Variants in UTP20 observed in about 807,000 individuals in gnomAD.
UTP20 encodes the protein small subunit processome component 20 homolog.
Under a neutral mutation model 329.5 loss-of-function variants are expected in UTP20, and 164 were observed. That is an observed-to-expected ratio of 0.50 (90% CI 0.44 to 0.57). The LOEUF (loss-of-function observed/expected upper bound fraction) is 0.57, where lower values mean the gene tolerates loss of function less well. Among genes scored for constraint, UTP20 ranks in the 20% least tolerant of loss-of-function variants. UTP20 has a pLI of 0.00. For synonymous variants in UTP20, 1,151 were observed against 1,159.3 expected (o/e 0.99, Z 0.14); for missense variants, 3,055 against 3,284.2 (o/e 0.93, Z 1.71).
chr12:101,375,325 G>T (rs935845959), intron 55 of UTP20, among the ~76,000 whole-genome samples: 7 of 152,174 alleles, frequency 4.6e-5, no homozygotes, highest in African/African-American at 1.7e-4. Flanking sequence ...AAGATCAAAG[G>T]TTCTCAACTC....
At position 101,333,304 on chromosome 12, in the gene UTP20, C is replaced by T; in HGVS notation, c.3421C>T (p.Gln1141Ter). ...ACAGAAGATCTTTGTTTTACAGATACAGCTGAGATTTATTAATCCATTGAA... is the reference window on the plus strand; with the variant it reads ...ACAGAAGATCTTTGTTTTACAGATATAGCTGAGATTTATTAATCCATTGAA... Reference protein sequence around the residue: ...SHILDQREKIQLRFINPLKNL... With the variant: ...SHILDQREKI The change falls in exon 28 of 62, where the codon CAG becomes TAG. Residue 1141 changes from glutamine to a stop codon, truncating the protein, a stop_gained. Coordinates refer to ENST00000261637, the MANE Select transcript of UTP20 (RefSeq NM_014503.3). LOFTEE classifies it high-confidence loss of function. 6.2e-7 allele frequency: 1 copy of T among 1,612,664 alleles called. No individual in the cohort carries two copies. The highest frequency in any genetic ancestry group is 1.1e-5 in the South Asian group (1 of 90,764).
rs954630728 is a variant in UTP20 at position 101,352,207 on chromosome 12, T to G, written c.5024+13T>G. 3 of 1,594,070 alleles carry G rather than the reference T, an allele frequency of 1.9e-6. No individual in the cohort carries two copies. The highest frequency in any genetic ancestry group is 2.6e-6 in the Non-Finnish European group (3 of 1,175,110). ...AACTGGGTGTCAGGTGTGGTCAAAC[T>G]TCTTATTTTTGTTTTGTTTTTTAAA... On this transcript the variant is annotated intron_variant, in intron 39 of 61. Coordinates refer to ENST00000261637, the MANE Select transcript of UTP20 (RefSeq NM_014503.3).
At chr12:101,349,600 G>A (rs1179778460) in intron 38 of UTP20, among the ~76,000 whole-genome samples, 1 of 151,656 alleles carries the variant, frequency 6.6e-6, no homozygotes, top group South Asian at 2.1e-4. Flanking sequence ...CTTGACTCTT[G>A]ACTAATTTTA....
At chr12:101,347,285 G>A (rs1555201203) in intron 38 of UTP20, among the ~76,000 whole-genome samples, 3 of 152,158 alleles carry the variant, frequency 2.0e-5, no homozygotes, top group Non-Finnish European at 1.5e-5. Flanking sequence ...CACTTTAGGA[G>A]GCCGAGGCAG....
At chr12:101,327,948 C>T (rs1169971743) in intron 26 of UTP20, among the ~76,000 whole-genome samples, 2 of 152,206 alleles carry the variant, frequency 1.3e-5, no homozygotes, top group Admixed American at 1.3e-4. Context: ...CCATTTTACA[C>T]ATGGGGAAAC....
At chr12:101,368,186 A>G (rs952845790) in intron 48 of UTP20, among the ~76,000 whole-genome samples, 2 of 151,198 alleles carry the variant, frequency 1.3e-5, no homozygotes, top group Admixed American at 6.6e-5. Flanking sequence ...CAGTGGTGCA[A>G]TCTTGACTCA....
At chr12:101,303,405 G>A (rs750369400) in intron 15 of UTP20, among the ~76,000 whole-genome samples, 6 of 152,118 alleles carry the variant, frequency 3.9e-5, no homozygotes, top group Non-Finnish European at 5.9e-5. Flanking sequence ...TGAGGGGAGC[G>A]GTAGCAGTTT....
rs746321279 is a variant in UTP20 at position 101,338,831 on chromosome 12, G to A, written c.3887G>A (p.Gly1296Glu). ...ATTTCAGAGTCTATCACAATAGGAGGAAGATTAATTCTACCTCATGTACCT... is the reference window on the plus strand; with the variant it reads ...ATTTCAGAGTCTATCACAATAGGAGAAAGATTAATTCTACCTCATGTACCT... ...ENIGESITIG[G>E]RLILPHVPAI... Residue 1296 changes from glycine to glutamate, a missense_variant, in exon 31 of 62, where the codon GGA (glycine) becomes GAA (glutamate). By Grantham distance (98) the Gly-to-Glu change is moderately conservative. Coordinates refer to ENST00000261637, the MANE Select transcript of UTP20 (RefSeq NM_014503.3). The A allele has an allele frequency of 8.7e-6, 14 of 1,608,728 alleles. No homozygotes were observed. The Admixed American group carries it at 2.1e-4, about 24-fold the overall frequency.
chr12:101,363,649 A>C lies in UTP20; in HGVS notation c.5864A>C (p.Glu1955Ala), dbSNP rs1327226475. The change falls in exon 45 of 62, where the codon GAA (glutamate) becomes GCA (alanine). Residue 1955 changes from glutamate (E) to alanine (A), a missense_variant. Glu to Ala is a moderately radical substitution (Grantham distance 107, BLOSUM62 -1). Transcript: ENST00000261637. ...EVKQILSKVM[E>A]ARRSKSYDSY... ...AAGCAGATCCTCTCCAAAGTCATGG[A>C]AGCACGAAGAAGCAAAAGTTACGAC... 4 of 1,614,054 alleles carry C rather than the reference A, an allele frequency of 2.5e-6. No homozygotes were observed. The Admixed American group carries it at 5.0e-5, about 20-fold the overall frequency.
chr12:101,348,648 T>A (rs1869410658), intron 38 of UTP20, among the ~76,000 whole-genome samples: 1 of 151,354 alleles, frequency 6.6e-6, no homozygotes, highest in Admixed American at 6.6e-5. Flanking sequence ...ATTATATTTT[T>A]AAAATTTCTT....
rs774343283 is a variant in UTP20, at chr12:101,345,600, C to T, written c.4652C>T (p.Thr1551Ile). ...YTTILSCLIQ[T>I]FPNQLEFKDL... ...ACAATACTTTCCTGTTTAATTCAAA[C>T]CTTTCCAAACCAACTGGAATTCAAA... The change falls in exon 37 of 62, where the codon ACC becomes ATC. Residue 1551 changes from threonine to isoleucine, a missense_variant. Thr to Ile is a moderately conservative substitution (Grantham distance 89, BLOSUM62 -1). Transcript: ENST00000261637. 6.2e-7 allele frequency: 1 copy of T among 1,610,056 alleles called. No homozygotes were observed. Among genetic ancestry groups the T allele is most frequent in the Admixed American group, 1.7e-5 (1 of 59,904 alleles).
At chr12:101,347,011 CACA>C (rs926295333) in intron 38 of UTP20, among the ~76,000 whole-genome samples, 7 of 152,304 alleles carry the variant, frequency 4.6e-5, no homozygotes, top group African/African-American at 1.4e-4. Flanking sequence ...GCTTCATTCT[CACA>C]ACAACTCAAC....
At chr12:101,281,402 A>T in intron 2 of UTP20, among the ~76,000 whole-genome samples, 1 of 152,360 alleles carries the variant, frequency 6.6e-6, no homozygotes, top group East Asian at 1.9e-4. Context: ...AGTTGCTAAC[A>T]TATTGAATAA....
At position 101,358,147 on chromosome 12, in the gene UTP20, A is replaced by C. The variant is rs941422750; in HGVS notation, c.5691+1065A>C. Among the ~76,000 whole-genome samples, 15 of 152,242 alleles carry C rather than the reference A, an allele frequency of 9.9e-5. 1 individual carries two copies. The highest frequency in any genetic ancestry group is 3.4e-4 in the African/African-American group (14 of 41,468). On this transcript the variant is annotated intron_variant, in intron 43 of 61. Transcript: ENST00000261637. Reference sequence around the variant, plus strand: ...CTAGTCTACAGACTGTAAGTCTAACACACTAAGAAATGTCACATTCATTTT... The same window carrying C: ...CTAGTCTACAGACTGTAAGTCTAACCCACTAAGAAATGTCACATTCATTTT...
chr12:101,306,967 A>G (rs1396448569), intron 17 of UTP20, among the ~76,000 whole-genome samples: 1 of 152,002 alleles, frequency 6.6e-6, no homozygotes, highest in Non-Finnish European at 1.5e-5. Context: ...AGGCCAGGAG[A>G]TTGAGACCAT....
rs746687512 is a variant in UTP20 at position 101,356,541 on chromosome 12, A to T, written c.5395-13A>T. 7 of 1,597,422 alleles carry T rather than the reference A, an allele frequency of 4.4e-6. No homozygotes were observed. In the African/African-American group the frequency reaches 8.1e-5, roughly 18 times the overall value. On this transcript the variant is annotated splice_polypyrimidine_tract_variant and intron_variant, in intron 41 of 61. Transcript: ENST00000261637. ...TTATTTTCATTTTAGCTTAACCTAAATTTTTCTTACAGACTAAAAGGGAAG... is the reference window on the plus strand; with the variant it reads ...TTATTTTCATTTTAGCTTAACCTAATTTTTTCTTACAGACTAAAAGGGAAG...
At chr12:101,359,735 T>C (rs956723329) in intron 43 of UTP20, among the ~76,000 whole-genome samples, 7 of 152,352 alleles carry the variant, frequency 4.6e-5, no homozygotes, top group African/African-American at 1.7e-4. Flanking sequence ...TTTCAGTCTT[T>C]CAGCTAGAAA....
intron 14 of UTP20, 111 bp from the exon 15 acceptor site, chr12:101,302,337 T>G (rs1872541344): frequency 1.5e-6 from 1 of 660,374 alleles, no homozygotes; most frequent in Non-Finnish European, 2.6e-6. Flanking sequence ...AAGGCATAAA[T>G]TCACTTTAAG....
In UTP20 at chr12:101,356,673, T is replaced by C; in HGVS notation, c.5514T>C (p.Val1838=). ...TAATGCAGTCCCTTCCACAAGAAGTTATGGAAGCTAATCTGCCAAGGTATG... is the reference window on the plus strand; with the variant it reads ...TAATGCAGTCCCTTCCACAAGAAGTCATGGAAGCTAATCTGCCAAGGTATG... The part of the protein sequence containing the change: ...VKLMQSLPQE[V]MEANLPSILL... The change falls in exon 42 of 62, where the codon GTT becomes GTC. Residue 1838 remains valine, a synonymous_variant. Transcript: ENST00000261637. 1 of 1,610,820 alleles carries C rather than the reference T, an allele frequency of 6.2e-7. No individual in the cohort carries two copies. The highest frequency in any genetic ancestry group is 8.5e-7 in the Non-Finnish European group (1 of 1,179,376).
Sources: allele counts gnomAD v4.1 joint callset (sites outside exome capture counted in the v4.1 genomes callset), GRCh38; gene constraint gnomAD v4.1.1; transcripts MANE v1.5; gene names NCBI Gene and HGNC (gene_info 2026-07-23, HGNC 2026-07-21).